The following DYNC2H1 variants were observed in gnomAD, a reference collection of about 807,000 sequenced individuals.
DYNC2H1 encodes the protein cytoplasmic dynein 2 heavy chain 1.
In DYNC2H1, 410 loss-of-function variants were observed where a neutral mutation model predicts 570.0. That is an observed-to-expected ratio of 0.72 (90% CI 0.66 to 0.78). DYNC2H1 has a LOEUF of 0.78. Among genes scored for constraint, DYNC2H1 ranks in the 30% least tolerant of loss-of-function variants. The pLI is 0.00. For missense variants in DYNC2H1, 4,865 were observed against 5,046.4 expected, an observed-to-expected ratio of 0.96 and a Z score of 1.09; for synonymous variants, 1,688 against 1,677.6, an observed-to-expected ratio of 1.01 and a Z score of -0.15.
intron 72 of DYNC2H1, among the ~76,000 whole-genome samples, chr11:103,282,581 C>T (rs200351677): frequency 6.6e-6 from 1 of 151,578 alleles, no homozygotes. Flanking sequence ...CATTTTAGAA[C>T]TTTTTAATAA....
intron 18 of DYNC2H1, among the ~76,000 whole-genome samples, chr11:103,146,026 A>T (rs1860223979): frequency 6.6e-6 from 1 of 152,224 alleles, no homozygotes; most frequent in South Asian, 2.1e-4. Context: ...AAGTATCATA[A>T]ATCATGAGTC....
chr11:103,336,459 A>G (rs529334619), intron 82 of DYNC2H1, among the ~76,000 whole-genome samples: 1 of 151,422 alleles, frequency 6.6e-6, no homozygotes, highest in Non-Finnish European at 1.5e-5. Flanking sequence ...CCCAACCCCT[A>G]TACACACCCT....
chr11:103,120,896 G>T lies in DYNC2H1; in HGVS notation c.1249-29G>T. 3.8e-6 allele frequency: 5 copies of T among 1,317,984 alleles called. No homozygotes were observed. In the South Asian group the frequency reaches 1.1e-4, roughly 29 times the overall value. The allele number at this position is 1,317,984 out of a possible 1,614,324, so 81.6% of individuals were successfully genotyped here. On this transcript the variant is annotated intron_variant, in intron 8 of 88. Coordinates refer to ENST00000375735, the MANE Select transcript of DYNC2H1 (RefSeq NM_001377.3). ...ATTTACTGAGTTGATCCGTTGGGAT[G>T]AACATGTACTTATTTTATTTTATAT...
At position 103,395,975 on chromosome 11, in the gene DYNC2H1, AC is replaced by A. The variant is rs575360035; in HGVS notation, c.12157-3687del. 1.5e-3 allele frequency among the ~76,000 whole-genome samples: 227 copies of A among 152,192 alleles called. 5 individuals are homozygous for A. Among genetic ancestry groups the A allele is most frequent in the Admixed American group, 0.013 (198 of 15,280 alleles). ...ACAGATCCACTCCAACTTTGTTTTT[AC>A]TTCTAATTTCCTTTTTTGCTTTTTA... On this transcript the variant is annotated intron_variant, in intron 83 of 88. Transcript: ENST00000375735. The surrounding 1 kb of genome is among the most constrained non-coding windows in gnomAD (Gnocchi z 4.3).
At position 103,316,578 on chromosome 11, in the gene DYNC2H1, G is replaced by C; in HGVS notation, c.11683G>C (p.Asp3895His). Residue 3895 changes from aspartate (D) to histidine (H), a missense_variant, in exon 80 of 89, where the codon GAT becomes CAT. Around this residue, in one of 5 missense-constraint regions of DYNC2H1, gnomAD observed 2,401 missense variants for 2,454.6 expected, o/e 0.98. Coordinates refer to ENST00000375735, the MANE Select transcript of DYNC2H1 (RefSeq NM_001377.3). ...AAAGTTTTATGAATTTTCTTTATCA[G>C]ATCTTCGGGCTGGGTACAACATTAT... ...WTKFYEFSLSDLRAGYNIIDR... is the reference protein window; with the variant it reads ...WTKFYEFSLSHLRAGYNIIDR... 1 of 1,561,196 alleles carries C rather than the reference G, an allele frequency of 6.4e-7. No homozygotes were observed. The highest frequency in any genetic ancestry group is 8.7e-7 in the Non-Finnish European group (1 of 1,154,436).
At chr11:103,221,613 C>A (rs569062214) in intron 57 of DYNC2H1, among the ~76,000 whole-genome samples, 2 of 152,200 alleles carry the variant, frequency 1.3e-5, no homozygotes, top group South Asian at 4.2e-4. Context: ...ACCTGTAATC[C>A]CAGCACTTTG....
At chr11:103,426,718 A>G (rs1943685975) in intron 84 of DYNC2H1, among the ~76,000 whole-genome samples, 2 of 152,188 alleles carry the variant, frequency 1.3e-5, no homozygotes, top group Non-Finnish European at 2.9e-5. Flanking sequence ...CTAATTTAGT[A>G]TCAAAAATAT....
At chr11:103,442,103 G>A (rs1341594036) in intron 85 of DYNC2H1, among the ~76,000 whole-genome samples, 2 of 152,014 alleles carry the variant, frequency 1.3e-5, no homozygotes, top group Non-Finnish European at 2.9e-5. Context: ...ACCCAGAAGA[G>A]AAACCTGTGG....
intron 45 of DYNC2H1, among the ~76,000 whole-genome samples, chr11:103,191,024 A>T (rs1862285351): frequency 8.2e-6 from 1 of 122,408 alleles, no homozygotes; most frequent in Non-Finnish European, 1.7e-5. Flanking sequence ...ATGTATATAT[A>T]TATATTTTTT....
At chr11:103,400,873 A>T (rs1565565158) in intron 84 of DYNC2H1, among the ~76,000 whole-genome samples, 1 of 152,180 alleles carries the variant, frequency 6.6e-6, no homozygotes, top group South Asian at 2.1e-4. Context: ...ACCTTGAAAA[A>T]GAATCTGTTT....
chr11:103,320,433 A>C (rs1166690628), intron 80 of DYNC2H1, among the ~76,000 whole-genome samples: 1 of 152,148 alleles, frequency 6.6e-6, no homozygotes, highest in Non-Finnish European at 1.5e-5. Flanking sequence ...AAAAAGTTCC[A>C]TTGTGGCTTT....
In DYNC2H1 at chr11:103,282,181, A is replaced by C. The variant is rs759888762; in HGVS notation, c.10764A>C (p.Glu3588Asp). Reference protein sequence around the residue: ...GMHPELFQENEWDTFTGVVVG... With the variant: ...GMHPELFQENDWDTFTGVVVG... ...GTTCCTATATTTTTATTCAATAGGA[A>C]TGGGATACGTTTACAGGTGTGGTTG... Residue 3588 changes from glutamate to aspartate, a missense_variant and splice_region_variant, in exon 72 of 89, where the codon GAA (glutamate) becomes GAC (aspartate). By Grantham distance (45) the Glu-to-Asp change is conservative. Transcript: ENST00000375735. 43 of 1,607,480 alleles carry C rather than the reference A, an allele frequency of 2.7e-5. No homozygotes were observed. The highest frequency in any genetic ancestry group is 3.5e-5 in the Non-Finnish European group (41 of 1,177,270).
At chr11:103,389,176 C>T (rs981341493) in intron 83 of DYNC2H1, among the ~76,000 whole-genome samples, 3 of 152,210 alleles carry the variant, frequency 2.0e-5, no homozygotes, top group Admixed American at 6.5e-5. Context: ...GCCTCAATTT[C>T]AGATGCTGTT....
At position 103,122,835 on chromosome 11, in the gene DYNC2H1, C is replaced by T. The variant is rs764350969; in HGVS notation, c.1496C>T (p.Thr499Ile). 3 of 1,612,590 alleles carry T rather than the reference C, an allele frequency of 1.9e-6. No individual in the cohort carries two copies. Among genetic ancestry groups the T allele is most frequent in the Admixed American group, 3.3e-5 (2 of 59,858 alleles). The change falls in exon 11 of 89, where the codon ACT (threonine) becomes ATT (isoleucine). Residue 499 changes from threonine to isoleucine, a missense_variant. Thr to Ile is a moderately conservative substitution (Grantham distance 89, BLOSUM62 -1). Around this residue, in one of 5 missense-constraint regions of DYNC2H1, gnomAD observed 1,936 missense variants for 1,962.1 expected, o/e 0.99. Transcript: ENST00000375735. ...ATTTGGCTTTTTAAGGTAGATGATA[C>T]TATCAAGATTGCAGAGGCTCTTTTA... The part of the protein sequence containing the change: ...VRQLELKVDD[T>I]IKIAEALLSD...
At chr11:103,433,028 T>A (rs913289810) in intron 84 of DYNC2H1, among the ~76,000 whole-genome samples, 1 of 152,154 alleles carries the variant, frequency 6.6e-6, no homozygotes, top group South Asian at 2.1e-4. Context: ...TAACATGATA[T>A]ATAATTTATT....
chr11:103,390,196 A>C (rs1942078099), intron 83 of DYNC2H1, among the ~76,000 whole-genome samples: 5 of 152,066 alleles, frequency 3.3e-5, no homozygotes, highest in Admixed American at 3.3e-4. Context: ...TTGGGTGCAT[A>C]TATATTTAGG....
At chr11:103,191,028 A>ATT (rs577789493) in intron 45 of DYNC2H1, among the ~76,000 whole-genome samples, 1,409 of 111,208 alleles carry the variant, frequency 0.013, 28 homozygotes, top group African/African-American at 0.044. Flanking sequence ...ATATATATAT[A>ATT]TTTTTTTTCT....
intron 83 of DYNC2H1, among the ~76,000 whole-genome samples, chr11:103,393,019 G>T (rs1942237628): frequency 6.6e-6 from 1 of 152,252 alleles, no homozygotes; most frequent in African/African-American, 2.4e-5. Context: ...AAGTAGCTGG[G>T]ATTACAGGTG....
At chr11:103,158,854 T>G in intron 27 of DYNC2H1, 45 bp downstream of exon 27, 1 of 1,491,082 alleles carries the variant, frequency 6.7e-7, no homozygotes, top group Non-Finnish European at 9.0e-7. Flanking sequence ...GTAAAGTACT[T>G]GATATCTTAA....
Sources: gnomAD v4.1 joint callset for allele counts (sites outside exome capture counted in the v4.1 genomes callset) on GRCh38, gnomAD v4.1.1 for gene constraint, gnomAD v4.1.1 regional missense constraint, Gnocchi (gnomAD v3.1) non-coding constraint, MANE v1.5 for transcripts, NCBI Gene and HGNC (gene_info 2026-07-23, HGNC 2026-07-21) for gene names.